AKAP13: variants seen among roughly 807,000 people sequenced by gnomAD.
AKAP13 encodes the protein A-kinase anchoring protein 13, also known as A-kinase anchor protein 13.
A neutral mutation model predicts 264.5 loss-of-function variants in AKAP13; 80 were observed. That is an observed-to-expected ratio of 0.30 (90% confidence interval 0.25 to 0.36). AKAP13 has a LOEUF of 0.36. Among genes scored for constraint, AKAP13 ranks in the 10% least tolerant of loss-of-function variants. The probability of loss-of-function intolerance (pLI) is 1.00; values close to 1 mark genes in which losing one functional copy is unlikely to be tolerated. For synonymous variants in AKAP13, 1,380 were observed against 1,250.2 expected, an observed-to-expected ratio of 1.10 and a Z score of -2.19; for missense variants, 3,712 against 3,435.2, an observed-to-expected ratio of 1.08 and a Z score of -2.01.
At chr15:85,396,895 G>A (rs1596035325) in intron 1 of AKAP13, among the ~76,000 whole-genome samples, 1 of 127,402 alleles carries the variant, frequency 7.8e-6, no homozygotes, top group Non-Finnish European at 1.6e-5. Context: ...CCTCTCGTAT[G>A]TTAGACTTTT....
In AKAP13 at chr15:85,741,197, T is replaced by C; in HGVS notation, c.7760T>C (p.Leu2587Pro). Residue 2587 changes from leucine to proline, a missense_variant, in exon 35 of 37, where the codon CTG (leucine) becomes CCG (proline). Leu to Pro is a moderately conservative substitution (Grantham distance 98). Around this residue, in one of 3 missense-constraint regions of AKAP13, gnomAD observed 611 missense variants for 539.3 expected, o/e 1.13. Transcript: ENST00000394518. ...AAGCAGCGCCAGGACCTGGCCAACC[T>C]GCAGAAGCAGCAGGCCCAGTACCTC... is the stretch of plus-strand genomic sequence containing the variant. ...LEKQRQDLANLQKQQAQYLEE... is the reference protein window; with the variant it reads ...LEKQRQDLANPQKQQAQYLEE... 6.2e-7 allele frequency: 1 copy of C among 1,610,870 alleles called. No homozygotes were observed. Among genetic ancestry groups the C allele is most frequent in the Non-Finnish European group, 8.5e-7 (1 of 1,178,594 alleles).
chr15:85,633,535 CTTTTTTTTT>C (rs56687591), intron 8 of AKAP13, among the ~76,000 whole-genome samples: 1 of 97,738 alleles, frequency 1.0e-5, no homozygotes, highest in Non-Finnish European at 2.2e-5. Flanking sequence ...CTTTTTTTTT[CTTTTTTTTT>C]TTTTTTTTTT....
rs117014663 is a variant in AKAP13, at chr15:85,464,607, G to C, written c.-11-21103G>C. The stretch of plus-strand genomic sequence containing the variant: ...ATTTCAAAGAGGGAGGTTAGAACTG[G>C]TAGGTTCTTGTTCATCTGTCTTTAC... On this transcript the variant is annotated intron_variant, in intron 1 of 36. Transcript: ENST00000394518. 2.8e-3 allele frequency among the ~76,000 whole-genome samples: 431 copies of C among 152,268 alleles called. 1 individual carries two copies. The highest frequency in any genetic ancestry group is 4.5e-3 in the Admixed American group (69 of 15,294).
At chr15:85,454,652 A>G (rs1326174204) in intron 1 of AKAP13, among the ~76,000 whole-genome samples, 1 of 152,190 alleles carries the variant, frequency 6.6e-6, no homozygotes, top group Non-Finnish European at 1.5e-5. Context: ...ACTGTTTAAA[A>G]AAAAATCTTA....
chr15:85,519,581 A>G (rs1291333899), intron 2 of AKAP13, among the ~76,000 whole-genome samples: 2 of 152,238 alleles, frequency 1.3e-5, no homozygotes, highest in Non-Finnish European at 2.9e-5. Flanking sequence ...TTACCAGGCT[A>G]AGCTTTTCAA....
At chr15:85,491,877 C>T (rs563259630) in intron 2 of AKAP13, among the ~76,000 whole-genome samples, 2 of 152,220 alleles carry the variant, frequency 1.3e-5, no homozygotes, top group South Asian at 2.1e-4. Context: ...GCATGCCTTA[C>T]GTTAATGCAT....
intron 10 of AKAP13, among the ~76,000 whole-genome samples, chr15:85,650,876 G>A (rs1260050016): frequency 6.7e-6 from 1 of 150,098 alleles, no homozygotes; most frequent in Non-Finnish European, 1.5e-5. Flanking sequence ...TTGTAATCAG[G>A]TACTTTTCTT....
At chr15:85,477,668 T>C (rs2075217368) in intron 1 of AKAP13, among the ~76,000 whole-genome samples, 1 of 151,486 alleles carries the variant, frequency 6.6e-6, no homozygotes, top group Non-Finnish European at 1.5e-5. Context: ...AGGCAGAGCT[T>C]TGTTGATACC....
chr15:85,722,969 T>A (rs2087388363), intron 25 of AKAP13, 103 bp from the exon 26 acceptor site: 4 of 1,458,330 alleles, frequency 2.7e-6, no homozygotes, highest in Non-Finnish European at 3.7e-6. Context: ...GATAGCATAG[T>A]CACAAAGGGA....
At chr15:85,489,305 G>A (rs932874558) in intron 2 of AKAP13, among the ~76,000 whole-genome samples, 3 of 152,200 alleles carry the variant, frequency 2.0e-5, no homozygotes, top group African/African-American at 7.2e-5. Flanking sequence ...ATATGTTTGT[G>A]TTTAATTGAC....
chr15:85,389,711 A>G (rs2085851299), intron 1 of AKAP13: 2 of 152,256 alleles, frequency 1.3e-5, no homozygotes, highest in African/African-American at 4.8e-5. Flanking sequence ...GGTATCTTTT[A>G]GTTGAAGAGG....
chr15:85,483,649 A>G (rs1042231597), intron 1 of AKAP13, among the ~76,000 whole-genome samples: 1 of 150,162 alleles, frequency 6.7e-6, no homozygotes, highest in Non-Finnish European at 1.5e-5. Context: ...AAAAAAAAAA[A>G]AACACCAAAA....
At chr15:85,440,626 G>C (rs1283948888) in intron 1 of AKAP13, among the ~76,000 whole-genome samples, 1 of 152,170 alleles carries the variant, frequency 6.6e-6, no homozygotes, top group East Asian at 1.9e-4. Flanking sequence ...GGTCATTCAG[G>C]TACCTAAAAG....
At chr15:85,564,748 G>A (rs778959739) in intron 5 of AKAP13, among the ~76,000 whole-genome samples, 2 of 152,128 alleles carry the variant, frequency 1.3e-5, no homozygotes, top group African/African-American at 4.8e-5. Flanking sequence ...AACGTTGTGA[G>A]TAAAAGAGAA....
intron 8 of AKAP13, among the ~76,000 whole-genome samples, chr15:85,626,746 G>A (rs1342849713): frequency 6.6e-6 from 1 of 151,946 alleles, no homozygotes; most frequent in African/African-American, 2.4e-5. Context: ...GCAGTTCTTT[G>A]CATGTATACC....
At chr15:85,603,193 A>T (rs960196644) in intron 8 of AKAP13, among the ~76,000 whole-genome samples, 3 of 152,264 alleles carry the variant, frequency 2.0e-5, no homozygotes, top group African/African-American at 7.2e-5. Flanking sequence ...AACATAAAAT[A>T]ACTGTACAAG....
At chr15:85,466,022 C>T (rs1373629393) in intron 1 of AKAP13, among the ~76,000 whole-genome samples, 2 of 152,064 alleles carry the variant, frequency 1.3e-5, no homozygotes, top group Non-Finnish European at 2.9e-5. Context: ...CTGTTGTTTC[C>T]TGACTTTTTA....
chr15:85,522,907 A>C (rs1263635091), intron 3 of AKAP13, among the ~76,000 whole-genome samples: 367 of 106,616 alleles, frequency 3.4e-3, no homozygotes, highest in Middle Eastern at 9.8e-3. Context: ...GATACCAGCC[A>C]CCCCCCCCAC....
rs765335529 is a variant in AKAP13 at position 85,693,330 on chromosome 15, C to G, written c.5343C>G (p.Asp1781Glu). The change falls in exon 17 of 37, where the codon GAC (aspartate) becomes GAG (glutamate). Residue 1781 changes from aspartate (D) to glutamate (E), a missense_variant. Asp to Glu is a conservative substitution (Grantham distance 45). Transcript: ENST00000394518. ...AGGAGAAGGAGAAAGATTCTAAAGA[C>G]AAGGAGAAAGATAAGAAGACTGTCA... ...KIKEKEKDSKDKEKDKKTVNG... is the reference protein window; with the variant it reads ...KIKEKEKDSKEKEKDKKTVNG... The G allele has an allele frequency of 2.2e-5, 35 of 1,611,404 alleles. No homozygotes were observed. The highest frequency in any genetic ancestry group is 3.3e-4 in the Middle Eastern group (2 of 6,054).
Sources: allele counts gnomAD v4.1 joint callset (sites outside exome capture counted in the v4.1 genomes callset), GRCh38; gene constraint gnomAD v4.1.1; regional missense constraint gnomAD v4.1.1; transcripts MANE v1.5; gene names NCBI Gene and HGNC (gene_info 2026-07-23, HGNC 2026-07-21).